ABCD2: variants seen among roughly 807,000 people sequenced by gnomAD.
ABCD2 encodes the protein ATP binding cassette subfamily D member 2.
A neutral mutation model predicts 70.9 loss-of-function variants in ABCD2; 36 were observed. That is an observed-to-expected ratio of 0.51 (90% CI 0.39 to 0.67). The LOEUF (loss-of-function observed/expected upper bound fraction) is 0.67, where lower values mean the gene tolerates loss of function less well. ABCD2 is among the 30% of genes least tolerant of loss of function. The probability of loss-of-function intolerance (pLI) is 0.00; values close to 1 mark genes in which losing one functional copy is unlikely to be tolerated. For missense variants in ABCD2, 729 were observed against 890.2 expected (o/e 0.82, Z 2.30); for synonymous variants, 304 against 306.9 (o/e 0.99, Z 0.10).
chr12:39,568,711 TAG>T (rs992863081), intron 9 of ABCD2, among the ~76,000 whole-genome samples: 2 of 152,240 alleles, frequency 1.3e-5, no homozygotes, highest in African/African-American at 4.8e-5. Flanking sequence ...CTCTGATTTT[TAG>T]AGTTTCCAGT....
intron 9 of ABCD2, among the ~76,000 whole-genome samples, chr12:39,561,452 T>C (rs957612912): frequency 6.6e-6 from 1 of 150,808 alleles, no homozygotes; most frequent in Non-Finnish European, 1.5e-5. Flanking sequence ...TGTGCGCTGC[T>C]TACAGGAGAC....
At chr12:39,589,293 A>C (rs769935881) in intron 6 of ABCD2, among the ~76,000 whole-genome samples, 6 of 151,992 alleles carry the variant, frequency 3.9e-5, no homozygotes, top group Non-Finnish European at 8.8e-5. Flanking sequence ...ATTTGAATTC[A>C]AAATGTTTAT....
intron 6 of ABCD2, among the ~76,000 whole-genome samples, chr12:39,592,393 C>T (rs1469477242): frequency 6.6e-6 from 1 of 152,124 alleles, no homozygotes; most frequent in Non-Finnish European, 1.5e-5. Flanking sequence ...CAGTAGAAAC[C>T]AAATCTGTGG....
chr12:39,548,812 T>C (rs1308107181), downstream of ABCD2, among the ~76,000 whole-genome samples: 2 of 152,012 alleles, frequency 1.3e-5, no homozygotes, highest in Non-Finnish European at 2.9e-5. Flanking sequence ...GCTTCATTGC[T>C]ACATAATCTG....
chr12:39,561,346 C>G (rs1941255317), intron 9 of ABCD2, among the ~76,000 whole-genome samples: 1 of 146,954 alleles, frequency 6.8e-6, no homozygotes, highest in Admixed American at 6.8e-5. Context: ...GAGCTGAGAT[C>G]ACACCACTGC....
At chr12:39,610,498 C>T (rs1942030931) in intron 2 of ABCD2, among the ~76,000 whole-genome samples, 1 of 152,002 alleles carries the variant, frequency 6.6e-6, no homozygotes, top group Non-Finnish European at 1.5e-5. Context: ...AAAAGGGGTA[C>T]CAAAATAGTA....
downstream of ABCD2, among the ~76,000 whole-genome samples, chr12:39,549,602 A>G (rs1319532624): frequency 6.6e-6 from 1 of 151,910 alleles, no homozygotes; most frequent in African/African-American, 2.4e-5. Flanking sequence ...AATAAAAAAA[A>G]TACAAAGTGT....
At chr12:39,572,580 G>T (rs941622593) in intron 9 of ABCD2, among the ~76,000 whole-genome samples, 15 of 152,156 alleles carry the variant, frequency 9.9e-5, no homozygotes, top group African/African-American at 3.6e-4. Context: ...CAGAGTCAAA[G>T]AATTTTGAAC....
chr12:39,600,761 T>C, intron 5 of ABCD2, 45 bp from the exon 6 acceptor site: 1 of 1,526,056 alleles, frequency 6.6e-7, no homozygotes, highest in African/African-American at 1.4e-5. Flanking sequence ...TTTAAAATGA[T>C]TTATTTTGGC....
intron 9 of ABCD2, among the ~76,000 whole-genome samples, chr12:39,567,409 C>T (rs558715119): frequency 6.6e-5 from 10 of 152,056 alleles, no homozygotes; most frequent in Non-Finnish European, 1.2e-4. Flanking sequence ...CTCTTTTGAT[C>T]TTTGTTGGTT....
Position 39,609,146 on chromosome 12 carries a change from C to T in ABCD2, c.1121-1432G>A, listed in dbSNP as rs564477292. ...GCACAGTGTCTAACACATAGTACTC[C>T]TTAATGTGCATTGAATGGATGGATG... is the stretch of plus-strand genomic sequence containing the variant. On this transcript the variant is annotated intron_variant, in intron 2 of 9. Transcript: ENST00000308666. Among the ~76,000 whole-genome samples the T allele has an allele frequency of 1.2e-4, 19 of 152,198 alleles. No homozygotes were observed. The South Asian group carries it at 3.5e-3, about 28-fold the overall frequency.
At chr12:39,570,980 C>G (rs1941439516) in intron 9 of ABCD2, among the ~76,000 whole-genome samples, 1 of 152,004 alleles carries the variant, frequency 6.6e-6, no homozygotes, top group African/African-American at 2.4e-5. Flanking sequence ...AAATGACAAA[C>G]AGGCATATCA....
chr12:39,537,313 T>C, the ABCD2 span, among the ~76,000 whole-genome samples: 5 of 152,186 alleles, frequency 3.3e-5, no homozygotes, highest in Non-Finnish European at 7.3e-5. Context: ...AGGCTTCTAG[T>C]TGTGCCAGTC....
At chr12:39,597,866 T>G (rs1287795622) in intron 6 of ABCD2, among the ~76,000 whole-genome samples, 1 of 152,190 alleles carries the variant, frequency 6.6e-6, no homozygotes, top group African/African-American at 2.4e-5. Flanking sequence ...CAACATTTTT[T>G]TGTGTGTGTA....
chr12:39,566,603 TG>T (rs1308962611), intron 9 of ABCD2, among the ~76,000 whole-genome samples: 9 of 152,200 alleles, frequency 5.9e-5, no homozygotes, highest in African/African-American at 2.2e-4. Context: ...TTGATTTTTT[TG>T]AAAGGTTTTT....
At chr12:39,569,493 G>A (rs541355950) in intron 9 of ABCD2, among the ~76,000 whole-genome samples, 28 of 152,272 alleles carry the variant, frequency 1.8e-4, no homozygotes, top group African/African-American at 6.7e-4. Flanking sequence ...TATTAGGGTG[G>A]GAGTGACCCG....
At chr12:39,534,731 A>AG in the ABCD2 span, among the ~76,000 whole-genome samples, 145 of 71,996 alleles carry the variant, frequency 2.0e-3, no homozygotes, top group African/African-American at 7.1e-3. Flanking sequence ...AGGAAGGAAA[A>AG]GAAGGAAGGA....
At chr12:39,569,328 G>A (rs551811280) in intron 9 of ABCD2, among the ~76,000 whole-genome samples, 4 of 152,310 alleles carry the variant, frequency 2.6e-5, no homozygotes, top group South Asian at 2.1e-4. Flanking sequence ...TGGCAATGGC[G>A]GGCACCCCTC....
intron 3 of ABCD2, 94 bp downstream of exon 3, chr12:39,607,505 G>T (rs895705296): frequency 1.9e-6 from 2 of 1,051,074 alleles, no homozygotes; most frequent in Admixed American, 2.3e-5. Context: ...GAAAAGATAT[G>T]TTTCCAAAAT....
Sources: gnomAD v4.1 joint callset for allele counts (sites outside exome capture counted in the v4.1 genomes callset) on GRCh38, gnomAD v4.1.1 for gene constraint, MANE v1.5 for transcripts, NCBI Gene and HGNC (gene_info 2026-07-23, HGNC 2026-07-21) for gene names.